Variants in RNF150 observed in about 807,000 individuals in gnomAD.
The protein encoded by RNF150 is ring finger protein 150.
Under a neutral mutation model 39.3 loss-of-function variants are expected in RNF150, and 24 were observed. That is an observed-to-expected ratio of 0.61 (90% CI 0.44 to 0.86). The LOEUF is 0.86. Among genes scored for constraint, RNF150 ranks in the 40% least tolerant of loss-of-function variants. The pLI, the probability that RNF150 is intolerant of heterozygous loss-of-function variation, is 0.00. For missense variants in RNF150, 502 were observed against 587.8 expected, an observed-to-expected ratio of 0.85 and a Z score of 1.51; for synonymous variants, 255 against 227.3, an observed-to-expected ratio of 1.12 and a Z score of -1.10.
At chr4:141,153,788 C>T (rs988354727) in intron 1 of RNF150, among the ~76,000 whole-genome samples, 1 of 152,096 alleles carries the variant, frequency 6.6e-6, no homozygotes, top group Non-Finnish European at 1.5e-5. Context: ...TGATGTCTAA[C>T]CTGTCTTTGA....
chr4:141,129,351 G>C (rs1451126636), intron 1 of RNF150, among the ~76,000 whole-genome samples: 1 of 152,142 alleles, frequency 6.6e-6, no homozygotes, highest in African/African-American at 2.4e-5. Flanking sequence ...AAATCAAAGA[G>C]GCCAATCACA....
At chr4:141,204,035 G>A (rs2111221250) in intron 1 of RNF150, among the ~76,000 whole-genome samples, 1 of 152,262 alleles carries the variant, frequency 6.6e-6, no homozygotes, top group South Asian at 2.1e-4. Context: ...ACTGAAAGCA[G>A]CTCATTGTGG....
At chr4:141,167,837 C>T (rs1328823502) in intron 1 of RNF150, among the ~76,000 whole-genome samples, 1 of 152,010 alleles carries the variant, frequency 6.6e-6, no homozygotes, top group Admixed American at 6.6e-5. Flanking sequence ...AAACATAAAA[C>T]CTCTAGAAGA....
intron 1 of RNF150, among the ~76,000 whole-genome samples, chr4:141,097,633 C>T (rs1180766577): frequency 6.6e-6 from 1 of 151,634 alleles, no homozygotes; most frequent in African/African-American, 2.4e-5. Context: ...TTAATCATTG[C>T]CAGTTTTATG....
At chr4:140,915,653 G>A (rs1730789494) in intron 5 of RNF150, among the ~76,000 whole-genome samples, 1 of 152,164 alleles carries the variant, frequency 6.6e-6, no homozygotes, top group South Asian at 2.1e-4. Context: ...AAAATCTTCA[G>A]CAAATCCGCT....
chr4:141,097,240 A>G (rs543078897), intron 1 of RNF150, among the ~76,000 whole-genome samples: 4 of 152,264 alleles, frequency 2.6e-5, no homozygotes, highest in Non-Finnish European at 5.9e-5. Context: ...ATACCACCAG[A>G]GCCTCGTTCA....
intron 1 of RNF150, among the ~76,000 whole-genome samples, chr4:141,143,330 C>G (rs1348363710): frequency 6.6e-6 from 1 of 152,166 alleles, no homozygotes; most frequent in Non-Finnish European, 1.5e-5. Context: ...CTTCATCAAA[C>G]AGTAAATGGC....
At chr4:140,947,396 T>C (rs1278101484) in intron 4 of RNF150, among the ~76,000 whole-genome samples, 3 of 152,190 alleles carry the variant, frequency 2.0e-5, no homozygotes, top group East Asian at 1.9e-4. Context: ...TTCTGTCTCA[T>C]GAAGTCCTAG....
In RNF150 at chr4:141,086,192, AAT is replaced by A. The variant is rs1738359294; in HGVS notation, c.484+46131_484+46132del. Reference sequence around the variant, plus strand: ...GCTCTCTCTATACATAAAATTAGTAAATATGTTGTTCAAATTTTCTGCATCCT... The same window carrying A: ...GCTCTCTCTATACATAAAATTAGTAAATGTTGTTCAAATTTTCTGCATCCT... On this transcript the variant is annotated intron_variant, in intron 1 of 6. Transcript: ENST00000515673. Among the ~76,000 whole-genome samples, 11 of 152,158 alleles carry A rather than the reference AAT, an allele frequency of 7.2e-5. No individual in the cohort carries two copies. In the South Asian group the frequency reaches 2.3e-3, roughly 32 times the overall value.
At chr4:141,104,052 C>A (rs951844587) in intron 1 of RNF150, among the ~76,000 whole-genome samples, 1 of 152,036 alleles carries the variant, frequency 6.6e-6, no homozygotes, top group African/African-American at 2.4e-5. Flanking sequence ...GTGTTCTAAT[C>A]GGGGATTGTA....
At chr4:141,160,239 T>C (rs1315756176) in intron 1 of RNF150, among the ~76,000 whole-genome samples, 1 of 152,168 alleles carries the variant, frequency 6.6e-6, no homozygotes, top group African/African-American at 2.4e-5. Flanking sequence ...AAAATGGAAG[T>C]TATCACAGAT....
intron 1 of RNF150, among the ~76,000 whole-genome samples, chr4:141,203,143 G>C (rs2111219730): frequency 7.6e-6 from 1 of 132,144 alleles, no homozygotes; most frequent in African/African-American, 2.8e-5. Context: ...TAATCTTGGA[G>C]ACGATATATA....
chr4:141,197,066 A>T (rs1560775598), intron 1 of RNF150, among the ~76,000 whole-genome samples: 1 of 150,750 alleles, frequency 6.6e-6, no homozygotes, highest in East Asian at 1.9e-4. Flanking sequence ...TGTTTTAACA[A>T]TTTTTTTTTT....
intron 5 of RNF150, among the ~76,000 whole-genome samples, chr4:140,918,240 AATG>A (rs1560965869): frequency 6.6e-6 from 1 of 152,218 alleles, no homozygotes; most frequent in Non-Finnish European, 1.5e-5. Context: ...TCAAAAAATT[AATG>A]AATCCAGGAG....
upstream of RNF150, among the ~76,000 whole-genome samples, chr4:141,135,559 C>T (rs1327857438): frequency 2.6e-5 from 4 of 152,104 alleles, no homozygotes; most frequent in African/African-American, 9.7e-5. Context: ...GGCATGAATC[C>T]GTGCTAATGT....
At chr4:140,945,296 A>AT (rs113070150) in intron 4 of RNF150, among the ~76,000 whole-genome samples, 4 of 151,952 alleles carry the variant, frequency 2.6e-5, no homozygotes, top group African/African-American at 9.7e-5. Context: ...TTAAAATGCT[A>AT]TTTTTTTGTT....
chr4:140,919,185 G>A (rs1326909466), intron 5 of RNF150, among the ~76,000 whole-genome samples: 4 of 140,920 alleles, frequency 2.8e-5, no homozygotes, highest in Non-Finnish European at 6.2e-5. Flanking sequence ...GTTCTGGCCA[G>A]GGCAATTAGG....
intron 1 of RNF150, among the ~76,000 whole-genome samples, chr4:141,076,742 A>G (rs1279221883): frequency 6.6e-6 from 1 of 152,052 alleles, no homozygotes; most frequent in Non-Finnish European, 1.5e-5. Flanking sequence ...ATAAAAACAC[A>G]TTGCCTATAC....
At chr4:140,946,400 A>G (rs550935704) in intron 4 of RNF150, among the ~76,000 whole-genome samples, 42 of 152,110 alleles carry the variant, frequency 2.8e-4, no homozygotes, top group African/African-American at 1.0e-3. Flanking sequence ...TTAAGTTTAC[A>G]TTGTTTCATG....
Sources: gnomAD v4.1 joint callset for allele counts (sites outside exome capture counted in the v4.1 genomes callset) on GRCh38, gnomAD v4.1.1 for gene constraint, MANE v1.5 for transcripts, NCBI Gene and HGNC (gene_info 2026-07-23, HGNC 2026-07-21) for gene names.